ALDH9A1: variants seen among roughly 807,000 people sequenced by gnomAD.
ALDH9A1 encodes the protein 4-trimethylaminobutyraldehyde dehydrogenase.
In ALDH9A1, 42 loss-of-function variants were observed where a neutral mutation model predicts 56.6. The ratio of observed to expected loss-of-function variants is 0.74; its 90% CI spans 0.58 to 0.96. ALDH9A1 has a LOEUF of 0.96. Ranked by LOEUF, ALDH9A1 falls within the 40% of genes least tolerant of loss-of-function variation. The pLI is 0.00. For missense variants in ALDH9A1, 661 were observed against 651.5 expected (o/e 1.01, Z -0.16); for synonymous variants, 242 against 236.0 (o/e 1.03, Z -0.23).
Position 165,668,863 on chromosome 1 carries a change from TTCATC to T in ALDH9A1, c.1207+58_1207+62del, listed in dbSNP as rs751566911. ...ATATCATGTACATATTTTATAAATA[TTCATC>T]TCTATCTATTCAGTATTTAATTCAA... is the stretch of plus-strand genomic sequence containing the variant. On this transcript the variant is annotated intron_variant, in intron 8 of 10. Transcript: ENST00000354775. 33 of 1,263,040 alleles carry T rather than the reference TTCATC, an allele frequency of 2.6e-5. 1 individual carries two copies. Among genetic ancestry groups the T allele is most frequent in the African/African-American group, 3.0e-5 (2 of 66,382 alleles). 78.2% of individuals were successfully genotyped at this position (1,263,040 alleles called of 1,614,324 possible).
intron 2 of ALDH9A1, among the ~76,000 whole-genome samples, chr1:165,688,774 T>C (rs1418042261): frequency 6.6e-6 from 1 of 152,158 alleles, no homozygotes; most frequent in Non-Finnish European, 1.5e-5. Context: ...TGAGGGCTAA[T>C]ATGATTGTAG....
chr1:165,669,068 T>A (rs1649092945), intron 7 of ALDH9A1, 55 bp from the exon 8 acceptor site: 1 of 1,462,500 alleles, frequency 6.8e-7, no homozygotes, highest in African/African-American at 1.4e-5. Flanking sequence ...CAAAATGCAT[T>A]CCTGAAATGT....
chr1:165,691,111 TCGAGG>T (rs758500038), intron 2 of ALDH9A1, among the ~76,000 whole-genome samples: 13 of 152,258 alleles, frequency 8.5e-5, no homozygotes, highest in Non-Finnish European at 1.8e-4. Context: ...CACCTCCCAG[TCGAGG>T]CCGACTGACA....
intron 7 of ALDH9A1, 102 bp from the exon 8 acceptor site, chr1:165,669,115 G>A: frequency 7.5e-7 from 1 of 1,324,608 alleles, no homozygotes; most frequent in Admixed American, 2.1e-5. Context: ...TCTTCCCAGT[G>A]CAGGTACAAA....
chr1:165,674,417 C>T (rs1427929767), intron 6 of ALDH9A1, among the ~76,000 whole-genome samples: 2 of 150,222 alleles, frequency 1.3e-5, no homozygotes, highest in Non-Finnish European at 3.0e-5. Flanking sequence ...CAGGGAACAG[C>T]GGCTCATGCC....
intron 2 of ALDH9A1, among the ~76,000 whole-genome samples, chr1:165,691,485 A>G (rs1649888114): frequency 6.6e-6 from 1 of 152,226 alleles, no homozygotes; most frequent in African/African-American, 2.4e-5. Flanking sequence ...TTCTCCTCCA[A>G]AGGATCGCAG....
At chr1:165,696,478 G>A (rs868383523) in intron 1 of ALDH9A1, among the ~76,000 whole-genome samples, 12 of 152,248 alleles carry the variant, frequency 7.9e-5, no homozygotes, top group Middle Eastern at 3.4e-3. Context: ...TATATTCTAT[G>A]TAGGTTATAT....
chr1:165,695,775 C>A (rs10800132), intron 1 of ALDH9A1, among the ~76,000 whole-genome samples: 47,216 of 151,750 alleles, frequency 0.31, 7,633 homozygotes, highest in South Asian at 0.54. Flanking sequence ...GAATTACAGG[C>A]GTGGGCTACC....
At chr1:165,690,268 A>C (rs1649847444) in intron 2 of ALDH9A1, among the ~76,000 whole-genome samples, 1 of 151,220 alleles carries the variant, frequency 6.6e-6, no homozygotes, top group South Asian at 2.1e-4. Context: ...AAGCAGGGAA[A>C]CTCTCAGACC....
At chr1:165,684,989 T>C (rs1649662047) in intron 2 of ALDH9A1, among the ~76,000 whole-genome samples, 1 of 131,252 alleles carries the variant, frequency 7.6e-6, no homozygotes, top group Admixed American at 7.7e-5. Context: ...TTATTCTCCA[T>C]CCTTACAAAA....
At chr1:165,686,796 G>A (rs1649723162) in intron 2 of ALDH9A1, among the ~76,000 whole-genome samples, 1 of 152,152 alleles carries the variant, frequency 6.6e-6, no homozygotes, top group African/African-American at 2.4e-5. Context: ...ATTCACTAGA[G>A]ATCATATGTC....
At position 165,662,850 on chromosome 1, in the gene ALDH9A1, G is replaced by C. The variant is rs190799318; in HGVS notation, c.*200C>G. ...CTTTGAGGAGAATCACAGCTTTCTTGATTAGTATCTACAAGGCACTTAATG... is the reference window on the plus strand; with the variant it reads ...CTTTGAGGAGAATCACAGCTTTCTTCATTAGTATCTACAAGGCACTTAATG... On this transcript the variant is annotated 3_prime_UTR_variant, in exon 11 of 11. Coordinates refer to ENST00000354775, the MANE Select transcript of ALDH9A1 (RefSeq NM_000696.4). The C allele has an allele frequency of 1.4e-4, 76 of 562,098 alleles. 1 individual carries two copies. The highest frequency in any genetic ancestry group is 1.2e-3 in the Admixed American group (38 of 31,490). 34.8% of individuals were successfully genotyped at this position (562,098 alleles called of 1,614,324 possible). A position where few individuals can be genotyped will look rare whatever the true frequency, so the allele number is the denominator to read the frequency against.
chr1:165,679,023 G>A (rs1287820012), intron 6 of ALDH9A1, among the ~76,000 whole-genome samples: 2 of 152,198 alleles, frequency 1.3e-5, no homozygotes, highest in East Asian at 3.9e-4. Context: ...AGTCAAACAA[G>A]TGGCAAAATT....
intron 2 of ALDH9A1, among the ~76,000 whole-genome samples, chr1:165,688,035 G>C (rs1166810025): frequency 6.6e-6 from 1 of 151,888 alleles, no homozygotes; most frequent in Non-Finnish European, 1.5e-5. Flanking sequence ...ATTAATTCTA[G>C]GCTGGGTACA....
At chr1:165,682,483 T>A (rs1337443) in intron 3 of ALDH9A1, among the ~76,000 whole-genome samples, 102,042 of 151,470 alleles carry the variant, frequency 0.67, 34,735 homozygotes, top group East Asian at 0.98. Flanking sequence ...AACTTGATTT[T>A]ACAACTCTCT....
chr1:165,670,428 C>CT (rs79110777), intron 6 of ALDH9A1, among the ~76,000 whole-genome samples: 45 of 147,974 alleles, frequency 3.0e-4, no homozygotes, highest in Admixed American at 5.4e-4. Context: ...GAGAGCGAGA[C>CT]TTTTTTTTTT....
chr1:165,692,802 T>C (rs2101757797), intron 2 of ALDH9A1, among the ~76,000 whole-genome samples: 1 of 152,050 alleles, frequency 6.6e-6, no homozygotes, highest in Non-Finnish European at 1.5e-5. Context: ...TCATGCTACC[T>C]GACTTCAAAC....
At chr1:165,669,080 A>T in intron 7 of ALDH9A1, 67 bp from the exon 8 acceptor site, 1 of 1,437,728 alleles carries the variant, frequency 7.0e-7, no homozygotes. Flanking sequence ...CTGAAATGTT[A>T]ATTGTATCCC....
intron 8 of ALDH9A1, among the ~76,000 whole-genome samples, chr1:165,668,467 A>G (rs1649073287): frequency 6.6e-6 from 1 of 152,166 alleles, no homozygotes; most frequent in Admixed American, 6.5e-5. Context: ...TGAGGCCTCA[A>G]CAGGAGGAGA....
Sources: allele counts gnomAD v4.1 joint callset (sites outside exome capture counted in the v4.1 genomes callset), GRCh38; gene constraint gnomAD v4.1.1; transcripts MANE v1.5; gene names NCBI Gene and HGNC (gene_info 2026-07-23, HGNC 2026-07-21).